The following ARID5B variants were observed in gnomAD, a reference collection of about 807,000 sequenced individuals.
ARID5B encodes AT-rich interactive domain-containing protein 5B.
ARID5B carries 13 observed loss-of-function variants against 97.2 expected under a neutral mutation model. The observed-to-expected ratio is 0.13, with a 90% CI of 0.09 to 0.21. The LOEUF (loss-of-function observed/expected upper bound fraction) is 0.21, where lower values mean the gene tolerates loss of function less well. Ranked by LOEUF, ARID5B falls within the 10% of genes least tolerant of loss-of-function variation. The pLI is 1.00. For missense variants in ARID5B, 1,210 were observed against 1,465.3 expected (o/e 0.83, Z 2.84); for synonymous variants, 556 against 570.3 (o/e 0.97, Z 0.36).
At chr10:61,916,878 GAGGCAC>G (rs1481584123) in intron 2 of ARID5B, among the ~76,000 whole-genome samples, 1 of 152,188 alleles carries the variant, frequency 6.6e-6, no homozygotes, top group East Asian at 1.9e-4. Flanking sequence ...GGAAGCCACA[GAGGCAC>G]AGGTGTAAGT....
Position 62,000,469 on chromosome 10 carries a change from G to A in ARID5B, c.733+148G>A, listed in dbSNP as rs1003001011. 6 of 673,716 alleles carry A rather than the reference G, an allele frequency of 8.9e-6. No individual in the cohort carries two copies. The highest frequency in any genetic ancestry group is 2.0e-5 in the South Asian group (1 of 51,084). 41.7% of individuals were successfully genotyped at this position (673,716 alleles called of 1,614,324 possible). ...CCCCTCCCATCCCCCAAATTATTGC[G>A]GCATAAGGCGTCATTGCCTCCTTCG... On this transcript the variant is annotated intron_variant, in intron 4 of 9. Transcript: ENST00000279873. This position sits in a 1 kb window ranked among gnomAD's most constrained non-coding sequence, Gnocchi z 4.4.
intron 4 of ARID5B, among the ~76,000 whole-genome samples, chr10:62,033,068 C>T (rs555409519): frequency 5.9e-5 from 9 of 152,260 alleles, no homozygotes; most frequent in African/African-American, 1.9e-4. Context: ...TCTTGGCCTA[C>T]CAGATTAAAT....
In ARID5B at chr10:61,955,954, A is replaced by G. The variant is rs1158666386; in HGVS notation, c.502+15546A>G. 3.3e-5 allele frequency among the ~76,000 whole-genome samples: 5 copies of G among 152,312 alleles called. No individual in the cohort carries two copies. The East Asian group carries it at 9.6e-4, about 29-fold the overall frequency. ...GCCTGAGCCACTGCACCAGGCCCAG[A>G]AATCTTGATTAGTTGACTTTTTAAT... On this transcript the variant is annotated intron_variant, in intron 3 of 9. Transcript: ENST00000279873.
rs1840457860 is a variant in ARID5B at position 62,095,573 on chromosome 10, G to A, written c.*2543G>A. On this transcript the variant is annotated 3_prime_UTR_variant, in exon 10 of 10. Transcript: ENST00000279873. ...GAGGAGACTCACTGTTTCTGTCTGAGGAAGCTCATACCCTCGGCAAAACAT... is the reference window on the plus strand; with the variant it reads ...GAGGAGACTCACTGTTTCTGTCTGAAGAAGCTCATACCCTCGGCAAAACAT... The A allele has an allele frequency of 8.6e-6, 2 of 233,412 alleles. No homozygotes were observed. Among genetic ancestry groups the A allele is most frequent in the African/African-American group, 2.2e-5 (1 of 45,318 alleles). The allele number at this position is 233,412 out of a possible 1,614,324, so 14.5% of individuals were successfully genotyped here. A position where few individuals can be genotyped will look rare whatever the true frequency, so the allele number is the denominator to read the frequency against.
chr10:61,902,403 A>G lies in ARID5B; in HGVS notation c.266A>G (p.Asp89Gly), dbSNP rs755042248. 1 of 1,613,928 alleles carries G rather than the reference A, an allele frequency of 6.2e-7. No individual in the cohort carries two copies. The highest frequency in any genetic ancestry group is 1.1e-5 in the South Asian group (1 of 91,074). The change falls in exon 2 of 10, where the codon GAC becomes GGC. Residue 89 changes from aspartate to glycine, a missense_variant. Physicochemically the swap from Asp to Gly is moderately conservative, Grantham distance 94. This residue lies in a region of ARID5B where 80 missense variants were observed against 133.2 expected (regional missense o/e 0.60). Coordinates refer to ENST00000279873, the MANE Select transcript of ARID5B (RefSeq NM_032199.3). Reference protein sequence around the residue: ...PEDTPQGRNSDHGEDEVIAVS... With the variant: ...PEDTPQGRNSGHGEDEVIAVS... The stretch of plus-strand genomic sequence containing the variant: ...GACACTCCCCAGGGCAGAAATAGCG[A>G]CCATGGCGAGGTGGTAAACCTGTCT...
intron 7 of ARID5B, 64 bp from the exon 8 acceptor site, chr10:62,069,636 T>C: frequency 1.4e-6 from 2 of 1,436,794 alleles, no homozygotes; most frequent in Non-Finnish European, 2.0e-6. Flanking sequence ...TGCATATGTA[T>C]TGAAGCCTGG....
chr10:61,960,078 T>C (rs1171879572), intron 3 of ARID5B, among the ~76,000 whole-genome samples: 1 of 152,132 alleles, frequency 6.6e-6, no homozygotes, highest in Non-Finnish European at 1.5e-5. Flanking sequence ...GCTTGGTTGG[T>C]GGGTTTCCTC....
intron 2 of ARID5B, among the ~76,000 whole-genome samples, chr10:61,934,151 C>T (rs1844258595): frequency 6.6e-6 from 1 of 152,184 alleles, no homozygotes; most frequent in Non-Finnish European, 1.5e-5. Flanking sequence ...TAGCTTCCAA[C>T]CTTTATTTTG....
chr10:61,925,700 G>C (rs746427812), intron 2 of ARID5B, among the ~76,000 whole-genome samples: 2 of 152,194 alleles, frequency 1.3e-5, no homozygotes, highest in African/African-American at 4.8e-5. Context: ...AATTATGAGA[G>C]GGTGTTTCTA....
chr10:62,003,699 G>C (rs566663937), intron 4 of ARID5B, among the ~76,000 whole-genome samples: 1 of 152,232 alleles, frequency 6.6e-6, no homozygotes, highest in African/African-American at 2.4e-5. Context: ...GCTGGGGCTG[G>C]CTTTCCATCT....
At position 62,092,227 on chromosome 10, in the gene ARID5B, C is replaced by G. The variant is rs770222889; in HGVS notation, c.2764C>G (p.Leu922Val). 21 of 1,610,366 alleles carry G rather than the reference C, an allele frequency of 1.3e-5. No individual in the cohort carries two copies. Among genetic ancestry groups the G allele is most frequent in the Non-Finnish European group, 1.5e-5 (18 of 1,178,474 alleles). Residue 922 changes from leucine to valine, a missense_variant, in exon 10 of 10, where the codon CTG (leucine) becomes GTG (valine). Leu to Val is a conservative substitution (Grantham distance 32). Transcript: ENST00000279873. Reference protein sequence around the residue: ...KNPHKPTGKVLGLAHSTTGPQ... With the variant: ...KNPHKPTGKVVGLAHSTTGPQ... ...CCCGCACAAACCTACCGGCAAGGTC[C>G]TGGGCCTGGCTCATTCCACCACAGG...
At chr10:61,917,963 T>C (rs1053342000) in intron 2 of ARID5B, among the ~76,000 whole-genome samples, 223 of 152,198 alleles carry the variant, frequency 1.5e-3, no homozygotes, top group Admixed American at 0.014. Context: ...GAAGGGGCCC[T>C]TGAAAACACC....
intron 7 of ARID5B, among the ~76,000 whole-genome samples, chr10:62,063,324 G>T (rs1364084919): frequency 1.3e-5 from 2 of 152,304 alleles, no homozygotes; most frequent in East Asian, 3.9e-4. Context: ...AGCTGTAGAT[G>T]TATTGCTTCT....
intron 2 of ARID5B, among the ~76,000 whole-genome samples, chr10:61,903,296 C>A (rs1051806054): frequency 6.6e-6 from 1 of 151,806 alleles, no homozygotes; most frequent in East Asian, 2.0e-4. Flanking sequence ...CTCCCCGGCA[C>A]GTTTCTGGGC....
intron 8 of ARID5B, among the ~76,000 whole-genome samples, chr10:62,085,189 G>A (rs1221755296): frequency 6.6e-6 from 1 of 152,194 alleles, no homozygotes; most frequent in Non-Finnish European, 1.5e-5. Context: ...TAGGGATATT[G>A]TGGAGTTTAC....
Position 61,986,785 on chromosome 10 carries a change from C to G in ARID5B, c.503-13306C>G, listed in dbSNP as rs545632176. On this transcript the variant is annotated intron_variant, in intron 3 of 9. Transcript: ENST00000279873. ...GTGTTCCTTGGCATACTTTGGAAAA[C>G]AGCTTGCAAAGCAATAATCAGACAA... Among the ~76,000 whole-genome samples the G allele has an allele frequency of 5.3e-5, 8 of 152,240 alleles. No homozygotes were observed. The South Asian group carries it at 1.7e-3, about 32-fold the overall frequency.
intron 4 of ARID5B, among the ~76,000 whole-genome samples, chr10:62,037,812 A>G (rs561355377): frequency 6.6e-6 from 1 of 152,376 alleles, no homozygotes; most frequent in Non-Finnish European, 1.5e-5. Context: ...GTTTAATTTT[A>G]TAGTAAAATT....
intron 4 of ARID5B, among the ~76,000 whole-genome samples, chr10:62,022,533 C>T: frequency 6.6e-6 from 1 of 152,190 alleles, no homozygotes; most frequent in East Asian, 1.9e-4. Flanking sequence ...TAACAAGACT[C>T]CATCTCACTT....
intron 2 of ARID5B, among the ~76,000 whole-genome samples, chr10:61,904,876 GT>G (rs933931113): frequency 4.6e-5 from 7 of 152,210 alleles, no homozygotes; most frequent in African/African-American, 1.4e-4. Flanking sequence ...ATGCAGATCG[GT>G]TTTCCACCCT....
Sources: allele counts gnomAD v4.1 joint callset (sites outside exome capture counted in the v4.1 genomes callset), GRCh38; gene constraint gnomAD v4.1.1; regional missense constraint gnomAD v4.1.1; non-coding constraint Gnocchi (gnomAD v3.1); transcripts MANE v1.5; gene names NCBI Gene and HGNC (gene_info 2026-07-23, HGNC 2026-07-21).